Variants in DTHD1 observed in about 807,000 individuals in gnomAD.
DTHD1 encodes the protein death domain-containing protein 1.
DTHD1 carries 59 observed loss-of-function variants against 74.8 expected under a neutral mutation model. That is an observed-to-expected ratio of 0.79 (90% CI 0.64 to 0.98). DTHD1 has a LOEUF of 0.98. DTHD1 is among the 50% of genes least tolerant of loss of function. The pLI is 0.00. For synonymous variants in DTHD1, 365 were observed against 371.1 expected (o/e 0.98, Z 0.19); for missense variants, 1,051 against 1,065.4 (o/e 0.99, Z 0.19).
chr4:36,339,817 G>A (rs1046653098), intron 9 of DTHD1, among the ~76,000 whole-genome samples: 1 of 152,154 alleles, frequency 6.6e-6, no homozygotes, highest in African/African-American at 2.4e-5. Flanking sequence ...TTACGGATTG[G>A]TACAGAAAAT....
At position 36,312,522 on chromosome 4, in the gene DTHD1, C is replaced by T. The variant is rs374080828; in HGVS notation, c.2096-3720C>T. 1.5e-4 allele frequency among the ~76,000 whole-genome samples: 22 copies of T among 150,900 alleles called. 1 individual carries two copies. Among genetic ancestry groups the T allele is most frequent in the African/African-American group, 4.6e-4 (19 of 41,002 alleles). On this transcript the variant is annotated intron_variant, in intron 7 of 9. Coordinates refer to ENST00000639862, the MANE Select transcript of DTHD1 (RefSeq NM_001170700.3). Reference sequence around the variant, plus strand: ...ATAAAGCAGGGAAAGGATAGGGGGACCTTAAAGGGTGTAGCAGGCTTGCAG... The same window carrying T: ...ATAAAGCAGGGAAAGGATAGGGGGATCTTAAAGGGTGTAGCAGGCTTGCAG...
chr4:36,346,951 T>C lies in DTHD1; in HGVS notation c.*3127T>C, dbSNP rs1759619019. The stretch of plus-strand genomic sequence containing the variant: ...TATTCCTTGCAGTTCCCCTACATCC[T>C]GCTCTCCCCTTTTTAAAATAAAGCC... On this transcript the variant is annotated 3_prime_UTR_variant, in exon 10 of 10. Transcript: ENST00000639862. 6.6e-6 allele frequency among the ~76,000 whole-genome samples: 1 copy of C among 152,102 alleles called. No homozygotes were observed. The highest frequency in any genetic ancestry group is 1.5e-5 in the Non-Finnish European group (1 of 68,012).
chr4:36,322,356 TGAG>T (rs1472677613), intron 8 of DTHD1, among the ~76,000 whole-genome samples: 4 of 151,904 alleles, frequency 2.6e-5, no homozygotes, highest in Non-Finnish European at 5.9e-5. Context: ...ACCAAAAATG[TGAG>T]GAGGACAGTG....
intron 8 of DTHD1, among the ~76,000 whole-genome samples, chr4:36,321,888 G>A (rs535167165): frequency 2.4e-3 from 366 of 152,210 alleles, no homozygotes; most frequent in Non-Finnish European, 2.3e-3. Context: ...CAACCACAGT[G>A]ACCCTCTTGA....
At chr4:36,339,271 T>C (rs1759184674) in intron 9 of DTHD1, 102 bp downstream of exon 9, 1 of 798,062 alleles carries the variant, frequency 1.3e-6, no homozygotes, top group African/African-American at 1.7e-5. Flanking sequence ...AAAGTGACTT[T>C]CCAATCAAAC....
intron 7 of DTHD1, among the ~76,000 whole-genome samples, chr4:36,314,757 T>G (rs1008394468): frequency 7.3e-6 from 1 of 137,276 alleles, no homozygotes; most frequent in African/African-American, 2.5e-5. Flanking sequence ...GTTTTTTTTT[T>G]TTTTTTTTTT....
chr4:36,328,108 G>A (rs1758455115), intron 8 of DTHD1, among the ~76,000 whole-genome samples: 1 of 152,152 alleles, frequency 6.6e-6, no homozygotes, highest in Non-Finnish European at 1.5e-5. Context: ...TTGAAGCAAA[G>A]ATCTGAGCTA....
At chr4:36,317,877 G>C (rs1757820138) in intron 8 of DTHD1, among the ~76,000 whole-genome samples, 1 of 152,184 alleles carries the variant, frequency 6.6e-6, no homozygotes, top group Admixed American at 6.5e-5. Flanking sequence ...TTTTATCTGA[G>C]CTTTGTAAGT....
At chr4:36,300,406 T>C (rs1756690883) in intron 5 of DTHD1, among the ~76,000 whole-genome samples, 2 of 152,194 alleles carry the variant, frequency 1.3e-5, no homozygotes, top group South Asian at 4.1e-4. Context: ...GCTTACAGTT[T>C]GATACTCCTG....
chr4:36,284,313 G>A lies in DTHD1; in HGVS notation c.609G>A (p.Gly203=). ...CATCACTGAATGGACGTGTACTGGG[G>A]CAAGAAGAGTCACAGAATAAAATGT... is the stretch of plus-strand genomic sequence containing the variant. ...NNTSLNGRVL[G]QEESQNKMFP... The change falls in exon 2 of 10, where the codon GGG becomes GGA. Residue 203 remains glycine (G), a synonymous_variant. Transcript: ENST00000639862. 6.5e-7 allele frequency: 1 copy of A among 1,537,174 alleles called. No homozygotes were observed. The highest frequency in any genetic ancestry group is 8.7e-7 in the Non-Finnish European group (1 of 1,146,864).
intron 5 of DTHD1, among the ~76,000 whole-genome samples, chr4:36,303,846 A>G (rs1403057014): frequency 6.6e-6 from 1 of 152,198 alleles, no homozygotes; most frequent in Non-Finnish European, 1.5e-5. Context: ...CTCTAGATAG[A>G]ACAGCCACTG....
rs754906230 is a variant in DTHD1, at chr4:36,293,613, A to G, written c.1306A>G (p.Lys436Glu). Residue 436 changes from lysine to glutamate, a missense_variant, in exon 4 of 10, where the codon AAA becomes GAA. Coordinates refer to ENST00000639862, the MANE Select transcript of DTHD1 (RefSeq NM_001170700.3). ...GAAAGAGTCGTTCACAGTAACAAAG[A>G]AAGGCCTCGCTCTTAAGTCAAGCAT... Reference protein sequence around the residue: ...LKKESFTVTKKGLALKSSMDS... With the variant: ...LKKESFTVTKEGLALKSSMDS... 250 of 1,549,532 alleles carry G rather than the reference A, an allele frequency of 1.6e-4. No individual in the cohort carries two copies. The highest frequency in any genetic ancestry group is 2.1e-4 in the Non-Finnish European group (241 of 1,145,632).
chr4:36,290,916 C>T (rs956634087), intron 3 of DTHD1, among the ~76,000 whole-genome samples: 5 of 152,128 alleles, frequency 3.3e-5, no homozygotes, highest in Admixed American at 1.3e-4. Context: ...GAGCTTGGGT[C>T]GAACACCTAC....
intron 7 of DTHD1, among the ~76,000 whole-genome samples, chr4:36,309,659 CT>C (rs559702367): frequency 7.0e-4 from 106 of 151,806 alleles, no homozygotes; most frequent in African/African-American, 2.2e-3. Flanking sequence ...ATATCCAAAA[CT>C]TTTTTTTTCT....
intron 7 of DTHD1, among the ~76,000 whole-genome samples, chr4:36,314,368 T>A (rs774951706): frequency 1.6e-4 from 25 of 152,054 alleles, no homozygotes; most frequent in Non-Finnish European, 3.1e-4. Flanking sequence ...GAAGTTTCCA[T>A]GTAGACATGA....
intron 8 of DTHD1, among the ~76,000 whole-genome samples, chr4:36,320,431 C>T (rs1757978388): frequency 6.6e-6 from 1 of 152,192 alleles, no homozygotes; most frequent in Non-Finnish European, 1.5e-5. Context: ...AGTTACTCAA[C>T]CTTGAAATTG....
In DTHD1 at chr4:36,308,573, T is replaced by C. The variant is rs377338124; in HGVS notation, c.2095+80T>C. ...TCAGAAGAGTTTGCTAAACTTGTGT[T>C]ACTAAGGAAACCTTCAGAGGATTGA... On this transcript the variant is annotated intron_variant, in intron 7 of 9. Transcript: ENST00000639862. The C allele has an allele frequency of 2.0e-3, 2,385 of 1,191,512 alleles. 47 individuals are homozygous for C. In the South Asian group the frequency reaches 0.027, roughly 13 times the overall value. 73.8% of individuals were successfully genotyped at this position (1,191,512 alleles called of 1,614,324 possible). A position where few individuals can be genotyped will look rare whatever the true frequency, so the allele number is the denominator to read the frequency against.
At chr4:36,340,984 G>C (rs1759284700) in intron 9 of DTHD1, among the ~76,000 whole-genome samples, 1 of 152,084 alleles carries the variant, frequency 6.6e-6, no homozygotes, top group Non-Finnish European at 1.5e-5. Context: ...GGAGTAAAAT[G>C]CTCCAAGGAA....
In DTHD1 at chr4:36,343,714, C is replaced by T. The variant is rs1342830438; in HGVS notation, c.2611C>T (p.Arg871Ter). 3.2e-6 allele frequency: 5 copies of T among 1,551,490 alleles called. No homozygotes were observed. Among genetic ancestry groups the T allele is most frequent in the Non-Finnish European group, 4.4e-6 (5 of 1,146,946 alleles). Reference protein sequence around the residue: ...TFTDKLRLLARHLRKIGRSDL... With the variant: ...TFTDKLRLLA ...CACCGACAAACTTCGCCTCCTGGCT[C>T]GACATCTCCGCAAGATTGGCAGGAG... The change falls in exon 10 of 10, where the codon CGA becomes TGA. Residue 871 changes from arginine (R) to a stop codon, truncating the protein, a stop_gained. Coordinates refer to ENST00000639862, the MANE Select transcript of DTHD1 (RefSeq NM_001170700.3). LOFTEE classifies it high-confidence loss of function.
Sources: gnomAD v4.1 joint callset for allele counts (sites outside exome capture counted in the v4.1 genomes callset) on GRCh38, gnomAD v4.1.1 for gene constraint, MANE v1.5 for transcripts, NCBI Gene and HGNC (gene_info 2026-07-23, HGNC 2026-07-21) for gene names.